Variants in SLC16A10 observed in about 807,000 individuals in gnomAD.
The protein encoded by SLC16A10 is monocarboxylate transporter 10.
A neutral mutation model predicts 40.0 loss-of-function variants in SLC16A10; 27 were observed. The ratio of observed to expected loss-of-function variants is 0.67; its 90% CI spans 0.50 to 0.93. The LOEUF is 0.93. Among genes scored for constraint, SLC16A10 ranks in the 40% least tolerant of loss-of-function variants. The pLI is 0.00. For missense variants in SLC16A10, 529 were observed against 658.2 expected (o/e 0.80, Z 2.15); for synonymous variants, 213 against 249.8 (o/e 0.85, Z 1.39).
In SLC16A10 at chr6:111,111,550, G is replaced by A. The variant is rs117024993; in HGVS notation, c.343+23455G>A. 2.9e-3 allele frequency among the ~76,000 whole-genome samples: 438 copies of A among 152,046 alleles called. 7 individuals are homozygous for A. In the East Asian group the frequency reaches 0.037, roughly 13 times the overall value. On this transcript the variant is annotated intron_variant, in intron 1 of 5. Coordinates refer to ENST00000368851, the MANE Select transcript of SLC16A10 (RefSeq NM_018593.5). ...AGTCTAGACAACATACTGATACCCC[G>A]TCTCTACAAAAAATAATAAAAAAGA...
At chr6:111,179,280 C>A (rs527440227) in intron 3 of SLC16A10, among the ~76,000 whole-genome samples, 1 of 152,174 alleles carries the variant, frequency 6.6e-6, no homozygotes, top group South Asian at 2.1e-4. Flanking sequence ...ATTAATTTCA[C>A]ATATATTACT....
chr6:111,137,519 A>G (rs1771900975), intron 1 of SLC16A10, among the ~76,000 whole-genome samples: 1 of 152,230 alleles, frequency 6.6e-6, no homozygotes, highest in African/African-American at 2.4e-5. Flanking sequence ...AAAGCTACAA[A>G]TGGTTCTTCA....
Position 111,156,662 on chromosome 6 carries a change from C to T in SLC16A10, c.344-16033C>T, listed in dbSNP as rs189343893. Among the ~76,000 whole-genome samples, 547 of 151,898 alleles carry T rather than the reference C, an allele frequency of 3.6e-3. 3 individuals are homozygous for T. The highest frequency in any genetic ancestry group is 0.012 in the African/African-American group (505 of 41,388). On this transcript the variant is annotated intron_variant, in intron 1 of 5. Transcript: ENST00000368851. ...TCAAGAGGAGACTAAGGAGATATGA[C>T]GACTAAATATAATGTGGTATCTTGT...
rs1770957269 is a variant in SLC16A10 at position 111,224,586 on chromosome 6, T to C, written c.*2351T>C. ...GATCTATAACACTGAAAAAGTTCTA[T>C]TGTAATAGACTCATACGGAGAATAC... is the stretch of plus-strand genomic sequence containing the variant. On this transcript the variant is annotated 3_prime_UTR_variant, in exon 6 of 6. Coordinates refer to ENST00000368851, the MANE Select transcript of SLC16A10 (RefSeq NM_018593.5). The C allele has an allele frequency of 6.6e-6, 1 of 152,328 alleles. No individual in the cohort carries two copies. The highest frequency in any genetic ancestry group is 2.4e-5 in the African/African-American group (1 of 41,582). 9.4% of individuals were successfully genotyped at this position (152,328 alleles called of 1,614,324 possible).
intron 1 of SLC16A10, 60 bp from the exon 2 acceptor site, chr6:111,172,635 A>G: frequency 6.4e-7 from 1 of 1,574,490 alleles, no homozygotes; most frequent in Non-Finnish European, 8.7e-7. Flanking sequence ...TATCAATGGA[A>G]TAAATACAAA....
chr6:111,204,209 T>C (rs1007724937), intron 3 of SLC16A10, among the ~76,000 whole-genome samples: 3 of 152,048 alleles, frequency 2.0e-5, no homozygotes, highest in African/African-American at 7.2e-5. Flanking sequence ...GTCTGAGAGA[T>C]TTAGAAAGTA....
intron 1 of SLC16A10, among the ~76,000 whole-genome samples, chr6:111,127,105 A>G (rs1056290205): frequency 6.6e-6 from 1 of 152,214 alleles, no homozygotes; most frequent in African/African-American, 2.4e-5. Flanking sequence ...TCTATACGCT[A>G]GTCATTGTGC....
At chr6:111,143,091 T>A (rs1772012818) in intron 1 of SLC16A10, among the ~76,000 whole-genome samples, 1 of 152,158 alleles carries the variant, frequency 6.6e-6, no homozygotes, top group Non-Finnish European at 1.5e-5. Flanking sequence ...ATATTTTTAT[T>A]TTTTTAGAGA....
intron 1 of SLC16A10, among the ~76,000 whole-genome samples, chr6:111,171,693 G>A (rs1203087464): frequency 6.6e-6 from 1 of 151,840 alleles, no homozygotes; most frequent in Non-Finnish European, 1.5e-5. Flanking sequence ...GTGCACACCT[G>A]TGGTTCTAGC....
chr6:111,198,685 G>A (rs1424355986), intron 3 of SLC16A10, among the ~76,000 whole-genome samples: 1 of 152,172 alleles, frequency 6.6e-6, no homozygotes, highest in Non-Finnish European at 1.5e-5. Flanking sequence ...TGTTATATAT[G>A]TGGCTCATCT....
In SLC16A10 at chr6:111,229,502, A is replaced by G. The variant is rs1771067772; in HGVS notation, c.*7267A>G. The G allele has an allele frequency of 1.3e-5, 2 of 152,234 alleles. No individual in the cohort carries two copies. Among genetic ancestry groups the G allele is most frequent in the Admixed American group, 1.3e-4 (2 of 15,284 alleles). 9.4% of individuals were successfully genotyped at this position (152,234 alleles called of 1,614,324 possible). On this transcript the variant is annotated 3_prime_UTR_variant, in exon 6 of 6. Coordinates refer to ENST00000368851, the MANE Select transcript of SLC16A10 (RefSeq NM_018593.5). ...AACTTTGAGGCAATGTGAAAAAGTTATATATAATAGCTTCCTATTGAGCTG... is the reference window on the plus strand; with the variant it reads ...AACTTTGAGGCAATGTGAAAAAGTTGTATATAATAGCTTCCTATTGAGCTG...
In SLC16A10 at chr6:111,177,591, G is replaced by A; in HGVS notation, c.868G>A (p.Val290Met). ...AATTTTCAATTTTGCCATCTTCAAG[G>A]TGACAGCTTATGCAGTGTGGGCAGT... Reference protein sequence around the residue: ...KKIFNFAIFKVTAYAVWAVGI... With the variant: ...KKIFNFAIFKMTAYAVWAVGI... Residue 290 changes from valine to methionine, a missense_variant, in exon 3 of 6, where the codon GTG (valine) becomes ATG (methionine). Physicochemically the swap from Val to Met is conservative, Grantham distance 21. Transcript: ENST00000368851. 1.2e-6 allele frequency: 2 copies of A among 1,610,956 alleles called. No homozygotes were observed. The highest frequency in any genetic ancestry group is 1.7e-6 in the Non-Finnish European group (2 of 1,178,646).
At chr6:111,138,169 CTAA>C (rs1771916199) in intron 1 of SLC16A10, among the ~76,000 whole-genome samples, 1 of 152,026 alleles carries the variant, frequency 6.6e-6, no homozygotes, top group Admixed American at 6.5e-5. Context: ...TACTTTTTTT[CTAA>C]TTATAAAAGT....
At chr6:111,134,860 G>A (rs1771849250) in intron 1 of SLC16A10, among the ~76,000 whole-genome samples, 1 of 152,156 alleles carries the variant, frequency 6.6e-6, no homozygotes, top group Non-Finnish European at 1.5e-5. Flanking sequence ...ACCAGCCCAT[G>A]CCATCACCCT....
intron 1 of SLC16A10, among the ~76,000 whole-genome samples, chr6:111,149,864 A>G (rs1193036763): frequency 6.6e-6 from 1 of 152,264 alleles, no homozygotes; most frequent in East Asian, 1.9e-4. Context: ...GGTTAAATCA[A>G]TTAAAAGCCA....
chr6:111,149,290 T>TA (rs1772131262), intron 1 of SLC16A10, among the ~76,000 whole-genome samples: 1 of 152,228 alleles, frequency 6.6e-6, no homozygotes, highest in Non-Finnish European at 1.5e-5. Context: ...CTTTCTTTGA[T>TA]ACCTGACCTA....
intron 1 of SLC16A10, among the ~76,000 whole-genome samples, chr6:111,149,581 CAG>C: frequency 6.6e-6 from 1 of 152,258 alleles, no homozygotes; most frequent in South Asian, 2.1e-4. Flanking sequence ...TATAAAATAT[CAG>C]ATTTCTATAA....
rs576529567 is a variant in SLC16A10 at position 111,116,818 on chromosome 6, G to C, written c.343+28723G>C. Among the ~76,000 whole-genome samples the C allele has an allele frequency of 5.3e-5, 8 of 152,162 alleles. No individual in the cohort carries two copies. The East Asian group carries it at 1.5e-3, about 29-fold the overall frequency. On this transcript the variant is annotated intron_variant, in intron 1 of 5. Coordinates refer to ENST00000368851, the MANE Select transcript of SLC16A10 (RefSeq NM_018593.5). ...AAAATTTTTGTACTTAATTCGTTGT[G>C]GGCAGCCAGATCTTTTAAAGGTAAA...
chr6:111,181,373 A>G (rs1357919983), intron 3 of SLC16A10, among the ~76,000 whole-genome samples: 1 of 152,206 alleles, frequency 6.6e-6, no homozygotes, highest in East Asian at 1.9e-4. Context: ...AGGATTAGAT[A>G]AAATGTATGT....
Sources: gnomAD v4.1 joint callset for allele counts (sites outside exome capture counted in the v4.1 genomes callset) on GRCh38, gnomAD v4.1.1 for gene constraint, MANE v1.5 for transcripts, NCBI Gene and HGNC (gene_info 2026-07-23, HGNC 2026-07-21) for gene names.